PDE1A: variants seen among roughly 807,000 people sequenced by gnomAD.
The protein encoded by PDE1A is dual specificity calcium/calmodulin-dependent 3',5'-cyclic nucleotide phosphodiesterase 1A.
In PDE1A, 35 loss-of-function variants were observed where a neutral mutation model predicts 61.7. That is an observed-to-expected ratio of 0.57 (90% CI 0.43 to 0.75). PDE1A has a LOEUF of 0.75. PDE1A is among the 30% of genes least tolerant of loss of function. The pLI is 0.00. For synonymous variants in PDE1A, 232 were observed against 213.2 expected (o/e 1.09, Z -0.77); for missense variants, 597 against 630.6 (o/e 0.95, Z 0.57).
intron 2 of PDE1A, among the ~76,000 whole-genome samples, chr2:182,479,013 A>G (rs1380563403): frequency 6.6e-6 from 1 of 151,822 alleles, no homozygotes; most frequent in East Asian, 1.9e-4. Context: ...TCTTGCTTCA[A>G]AACACAATAG....
At chr2:182,550,004 A>T in the PDE1A span, among the ~76,000 whole-genome samples, 1 of 152,108 alleles carries the variant, frequency 6.6e-6, no homozygotes, top group Non-Finnish European at 1.5e-5. Context: ...ATTCAAAGTT[A>T]TTAGATTTTT....
At chr2:182,553,932 C>G in the PDE1A span, among the ~76,000 whole-genome samples, 3 of 152,314 alleles carry the variant, frequency 2.0e-5, no homozygotes, top group Non-Finnish European at 4.4e-5. Context: ...AGACTTTAGA[C>G]AGTCAAGGCC....
intron 2 of PDE1A, among the ~76,000 whole-genome samples, chr2:182,519,177 T>A (rs1249938204): frequency 3.3e-5 from 5 of 152,060 alleles, no homozygotes; most frequent in Non-Finnish European, 7.4e-5. Flanking sequence ...GGTCCCAAAT[T>A]CATAAGAAAC....
intron 1 of PDE1A, among the ~76,000 whole-genome samples, chr2:182,275,000 G>T (rs1278485793): frequency 2.6e-5 from 4 of 152,082 alleles, no homozygotes; most frequent in African/African-American, 7.2e-5. Flanking sequence ...ATAAGTTAAG[G>T]TCTAACTAGG....
At chr2:182,586,821 C>T in the PDE1A span, among the ~76,000 whole-genome samples, 3 of 152,102 alleles carry the variant, frequency 2.0e-5, no homozygotes, top group Non-Finnish European at 4.4e-5. Flanking sequence ...TTATCAGATG[C>T]ATATTATGTG....
At chr2:182,498,921 C>A (rs1203537438) in intron 2 of PDE1A, among the ~76,000 whole-genome samples, 1 of 151,606 alleles carries the variant, frequency 6.6e-6, no homozygotes, top group Non-Finnish European at 1.5e-5. Context: ...CCAGCCTGGG[C>A]GACAGAGCGA....
chr2:182,377,848 GAC>G (rs1378661384), intron 1 of PDE1A, among the ~76,000 whole-genome samples: 1 of 151,336 alleles, frequency 6.6e-6, no homozygotes, highest in African/African-American at 2.4e-5. Context: ...ATGCAATTCA[GAC>G]AGTTTTTTTT....
intron 1 of PDE1A, among the ~76,000 whole-genome samples, chr2:182,424,387 G>A (rs1306506851): frequency 6.6e-6 from 1 of 152,192 alleles, no homozygotes; most frequent in East Asian, 1.9e-4. Flanking sequence ...CAAGTGGATT[G>A]AGATCCAGTG....
chr2:182,597,117 A>C, the PDE1A span, among the ~76,000 whole-genome samples: 1 of 152,108 alleles, frequency 6.6e-6, no homozygotes, highest in Admixed American at 6.5e-5. Flanking sequence ...ATGCCACTGC[A>C]TTCCAGCCTG....
intron 1 of PDE1A, among the ~76,000 whole-genome samples, chr2:182,402,550 G>A (rs1269783112): frequency 6.6e-6 from 1 of 152,132 alleles, no homozygotes; most frequent in Non-Finnish European, 1.5e-5. Flanking sequence ...AGACTTAAAT[G>A]TAAAGCCCCA....
At chr2:182,457,995 T>C (rs934526019) in intron 2 of PDE1A, among the ~76,000 whole-genome samples, 2 of 152,064 alleles carry the variant, frequency 1.3e-5, no homozygotes, top group Non-Finnish European at 2.9e-5. Context: ...CTATACATCC[T>C]CTATTGATAA....
At chr2:182,212,440 C>T (rs546463504) in intron 7 of PDE1A, among the ~76,000 whole-genome samples, 15 of 152,274 alleles carry the variant, frequency 9.9e-5, no homozygotes, top group South Asian at 2.1e-4. Flanking sequence ...GGAACAGCTC[C>T]GGTCTACAGC....
intron 1 of PDE1A, among the ~76,000 whole-genome samples, chr2:182,335,265 AC>A (rs1273613256): frequency 1.3e-5 from 2 of 152,184 alleles, no homozygotes; most frequent in African/African-American, 4.8e-5. Context: ...AGAAAAAATG[AC>A]TTTAAATTTC....
chr2:182,560,227 C>A, the PDE1A span, among the ~76,000 whole-genome samples: 1 of 121,332 alleles, frequency 8.2e-6, no homozygotes. Context: ...CCCCACCCCA[C>A]AACAGTCACC....
At chr2:182,506,031 A>G (rs1689389793) in intron 2 of PDE1A, among the ~76,000 whole-genome samples, 1 of 152,246 alleles carries the variant, frequency 6.6e-6, no homozygotes, top group South Asian at 2.1e-4. Flanking sequence ...AAAGTTAGAA[A>G]GGAACCCGTT....
intron 8 of PDE1A, among the ~76,000 whole-genome samples, chr2:182,203,321 A>AG (rs1686824348): frequency 6.8e-6 from 1 of 146,144 alleles, no homozygotes; most frequent in Non-Finnish European, 1.5e-5. Flanking sequence ...CTCCGTCTGA[A>AG]AAAAAAACAA....
At chr2:182,241,361 T>G (rs777203006) in intron 2 of PDE1A, among the ~76,000 whole-genome samples, 1 of 152,236 alleles carries the variant, frequency 6.6e-6, no homozygotes, top group African/African-American at 2.4e-5. Flanking sequence ...GGGTTTCATC[T>G]GCTTTTGAAA....
At chr2:182,235,651 A>C (rs1231468249) in intron 3 of PDE1A, among the ~76,000 whole-genome samples, 1 of 152,186 alleles carries the variant, frequency 6.6e-6, no homozygotes, top group African/African-American at 2.4e-5. Context: ...GGGAAGAAAG[A>C]ATACAATTGA....
the PDE1A span, among the ~76,000 whole-genome samples, chr2:182,668,869 G>A: frequency 2.6e-5 from 4 of 152,220 alleles, no homozygotes; most frequent in Admixed American, 2.0e-4. Context: ...TGCCTCGTGC[G>A]AGCCGGTGGC....
Sources: allele counts gnomAD v4.1 joint callset (sites outside exome capture counted in the v4.1 genomes callset), GRCh38; gene constraint gnomAD v4.1.1; transcripts MANE v1.5; gene names NCBI Gene and HGNC (gene_info 2026-07-23, HGNC 2026-07-21).